TRIM45: variants seen among roughly 807,000 people sequenced by gnomAD.
TRIM45 encodes the protein E3 ubiquitin-protein ligase TRIM45.
TRIM45 carries 45 observed loss-of-function variants against 46.7 expected under a neutral mutation model. The ratio of observed to expected loss-of-function variants is 0.96; its 90% CI spans 0.76 to 1.24. The LOEUF (loss-of-function observed/expected upper bound fraction) is 1.24, where lower values mean the gene tolerates loss of function less well. TRIM45 is among the 50% of genes most tolerant of loss of function. The pLI is 0.00. For missense variants in TRIM45, 680 were observed against 728.4 expected (o/e 0.93, Z 0.77); for synonymous variants, 259 against 285.8 (o/e 0.91, Z 0.94).
upstream of TRIM45, among the ~76,000 whole-genome samples, chr1:117,123,030 C>A (rs1377905669): frequency 3.2e-5 from 3 of 93,824 alleles, no homozygotes; most frequent in Non-Finnish European, 6.8e-5. Flanking sequence ...AAAAAGTTAA[C>A]CCCAAAATAT....
intron 1 of TRIM45, 54 bp downstream of exon 1, chr1:117,120,660 C>T: frequency 6.5e-7 from 1 of 1,530,612 alleles, no homozygotes; most frequent in Non-Finnish European, 8.8e-7. Flanking sequence ...TTTGTCTTGA[C>T]ACCTCTTTGT....
rs533338074 is a variant in TRIM45 at position 117,116,765 on chromosome 1, G to T, written c.1223-20C>A. ...GGAGGTCTGAAAAAGATAAACACTCGGTCCTCACCTCGAATGTAAACTGCA... is the reference window on the plus strand; with the variant it reads ...GGAGGTCTGAAAAAGATAAACACTCTGTCCTCACCTCGAATGTAAACTGCA... On this transcript the variant is annotated intron_variant, in intron 2 of 5. Coordinates refer to ENST00000256649, the MANE Select transcript of TRIM45 (RefSeq NM_025188.4). This position sits in a 1 kb window ranked among gnomAD's most constrained non-coding sequence, Gnocchi z 4.6. The T allele has an allele frequency of 9.3e-6, 15 of 1,613,526 alleles. No individual in the cohort carries two copies. The highest frequency in any genetic ancestry group is 1.7e-6 in the Non-Finnish European group (2 of 1,179,760).
At position 117,118,327 on chromosome 1, in the gene TRIM45, AG is replaced by A; in HGVS notation, c.928del (p.Leu310CysfsTer26). The A allele has an allele frequency of 1.2e-6, 2 of 1,614,088 alleles. No homozygotes were observed. The highest frequency in any genetic ancestry group is 1.7e-5 in the Admixed American group (1 of 60,024). ...TTCCAGCTGGGCCTTCTGCAGCTGC[AG>A]GGAATTTTCCTTCTGGGCCCGTATG... ...EDIRAQKENS[L>X]QLQKAQLEQL... On this transcript the variant is annotated frameshift_variant, in exon 2 of 6. Transcript: ENST00000256649. LOFTEE classifies it high-confidence loss of function. The surrounding 1 kb of genome is among the most constrained non-coding windows in gnomAD (Gnocchi z 5.7).
In TRIM45 at chr1:117,113,491, G is replaced by A. The variant is rs1342925696; in HGVS notation, c.1468-6C>T. The A allele has an allele frequency of 1.2e-6, 2 of 1,612,548 alleles. No homozygotes were observed. The highest frequency in any genetic ancestry group is 1.7e-6 in the Non-Finnish European group (2 of 1,179,832). ...ATCACAGTGAATGGCGAGCCCTGCA[G>A]TGTTCAGACCAAAAGCAATGAACAG... On this transcript the variant is annotated splice_polypyrimidine_tract_variant and splice_region_variant and intron_variant, in intron 4 of 5. Coordinates refer to ENST00000256649, the MANE Select transcript of TRIM45 (RefSeq NM_025188.4). The surrounding 1 kb of genome is among the most constrained non-coding windows in gnomAD (Gnocchi z 4.0).
In TRIM45 at chr1:117,121,315, G is replaced by A; in HGVS notation, c.-114C>T. 1 of 1,289,880 alleles carries A rather than the reference G, an allele frequency of 7.8e-7. No homozygotes were observed. The highest frequency in any genetic ancestry group is 1.1e-6 in the Non-Finnish European group (1 of 948,646). The allele number at this position is 1,289,880 out of a possible 1,614,324, so 79.9% of individuals were successfully genotyped here. A position where few individuals can be genotyped will look rare whatever the true frequency, so the allele number is the denominator to read the frequency against. ...TCTCCAGAACTTGAACAGAGACCAT[G>A]GGGACTCCCTCGCTGACAAATAAAA... On this transcript the variant is annotated 5_prime_UTR_variant, in exon 1 of 6. Transcript: ENST00000256649. This position sits in a 1 kb window ranked among gnomAD's most constrained non-coding sequence, Gnocchi z 4.2.
In TRIM45 at chr1:117,118,891, A is replaced by C. The variant is rs765705244; in HGVS notation, c.489-124T>G. ...AAACCTGATTTCAATTCCTTGCTCT[A>C]ATCTCTAATTGCATGAACCTCTCTG... On this transcript the variant is annotated intron_variant, in intron 1 of 5. Transcript: ENST00000256649. This position sits in a 1 kb window ranked among gnomAD's most constrained non-coding sequence, Gnocchi z 5.7. 3.9e-6 allele frequency: 5 copies of C among 1,278,354 alleles called. No individual in the cohort carries two copies. The highest frequency in any genetic ancestry group is 5.4e-6 in the Non-Finnish European group (5 of 930,364). The allele number at this position is 1,278,354 out of a possible 1,614,324, so 79.2% of individuals were successfully genotyped here.
Position 117,112,045 on chromosome 1 carries a change from C to A in TRIM45, c.*260G>T. 3.0e-6 allele frequency: 1 copy of A among 337,148 alleles called. No individual in the cohort carries two copies. Among genetic ancestry groups the A allele is most frequent in the Non-Finnish European group, 5.3e-6 (1 of 189,506 alleles). 20.9% of individuals were successfully genotyped at this position (337,148 alleles called of 1,614,324 possible). A position where few individuals can be genotyped will look rare whatever the true frequency, so the allele number is the denominator to read the frequency against. Reference sequence around the variant, plus strand: ...ATGGAATAGATACCTCCATACTGTACAAAATGAAAAGGAGTATCCTGTGGT... The same window carrying A: ...ATGGAATAGATACCTCCATACTGTAAAAAATGAAAAGGAGTATCCTGTGGT... On this transcript the variant is annotated 3_prime_UTR_variant, in exon 6 of 6. Transcript: ENST00000256649.
At position 117,121,175 on chromosome 1, in the gene TRIM45, C is replaced by T. The variant is rs1290206473; in HGVS notation, c.27G>A (p.Leu9=). The change falls in exon 1 of 6, where the codon CTG becomes CTA. Residue 9 remains leucine (L), a synonymous_variant. Coordinates refer to ENST00000256649, the MANE Select transcript of TRIM45 (RefSeq NM_025188.4). This position sits in a 1 kb window ranked among gnomAD's most constrained non-coding sequence, Gnocchi z 4.2. MSENRKPL[L]GFVSKLTSGT... ...CACTAGTGAGTTTGCTTACAAAGCC[C>T]AGCAGCGGTTTTCTGTTTTCTGACA... 1.9e-6 allele frequency: 3 copies of T among 1,569,022 alleles called. No individual in the cohort carries two copies. Among genetic ancestry groups the T allele is most frequent in the Admixed American group, 1.9e-5 (1 of 51,450 alleles).
chr1:117,120,400 T>C (rs1449698233), intron 1 of TRIM45, among the ~76,000 whole-genome samples: 2 of 152,248 alleles, frequency 1.3e-5, no homozygotes, highest in South Asian at 4.1e-4. Context: ...TATGCTGTTA[T>C]ATTCATTCTC....
At position 117,116,815 on chromosome 1, in the gene TRIM45, T is replaced by A; in HGVS notation, c.1223-70A>T. 1 of 1,599,042 alleles carries A rather than the reference T, an allele frequency of 6.3e-7. No individual in the cohort carries two copies. Among genetic ancestry groups the A allele is most frequent in the East Asian group, 2.3e-5 (1 of 44,416 alleles). On this transcript the variant is annotated intron_variant, in intron 2 of 5. Coordinates refer to ENST00000256649, the MANE Select transcript of TRIM45 (RefSeq NM_025188.4). The surrounding 1 kb of genome is among the most constrained non-coding windows in gnomAD (Gnocchi z 4.6). ...AGTGACTACATCTCCATCTTGCTTTTTCTCTTCAGAACAAAGGGTTGTACT... is the reference window on the plus strand; with the variant it reads ...AGTGACTACATCTCCATCTTGCTTTATCTCTTCAGAACAAAGGGTTGTACT...
chr1:117,119,868 T>C (rs1426226287), intron 1 of TRIM45, among the ~76,000 whole-genome samples: 1 of 152,204 alleles, frequency 6.6e-6, no homozygotes, highest in African/African-American at 2.4e-5. Flanking sequence ...GACTATCACA[T>C]AATTACAAGT....
upstream of TRIM45, chr1:117,121,772 C>G (rs1650649022): frequency 1.4e-6 from 1 of 704,252 alleles, no homozygotes; most frequent in Non-Finnish European, 2.6e-6. This position sits in a 1 kb window ranked among gnomAD's most constrained non-coding sequence, Gnocchi z 4.2. Context: ...CAATCCCAGC[C>G]CGGTCTACTC....
At position 117,121,549 on chromosome 1, in the gene TRIM45, AC is replaced by A. The variant is rs1557849809; in HGVS notation, c.-349del. 6 of 433,422 alleles carry A rather than the reference AC, an allele frequency of 1.4e-5. No homozygotes were observed. The highest frequency in any genetic ancestry group is 2.2e-5 in the African/African-American group (1 of 45,632). The allele number at this position is 433,422 out of a possible 1,614,324, so 26.8% of individuals were successfully genotyped here. A position where few individuals can be genotyped will look rare whatever the true frequency, so the allele number is the denominator to read the frequency against. ...TGCACCTCTCGCTCCCTCCACTGCC[AC>A]CCCCCTCCCGCCGCCCGCCCCACTG... On this transcript the variant is annotated 5_prime_UTR_variant, in exon 1 of 6. Coordinates refer to ENST00000256649, the MANE Select transcript of TRIM45 (RefSeq NM_025188.4). This position sits in a 1 kb window ranked among gnomAD's most constrained non-coding sequence, Gnocchi z 4.2.
rs2101359655 is a variant in TRIM45, at chr1:117,121,138, C to T, written c.64G>A (p.Gly22Arg). ...GGGCAGTGAGTCTTGCCTGAGTTCC[C>T]AAGTGCAGTCCCACTAGTGAGTTTG... ...VSKLTSGTAL[G>R]NSGKTHCPLC... Residue 22 changes from glycine to arginine, a missense_variant, in exon 1 of 6, where the codon GGG (glycine) becomes AGG (arginine). This residue lies in a region of TRIM45 where 349 missense variants were observed against 343.6 expected (regional missense o/e 1.02). Transcript: ENST00000256649. The surrounding 1 kb of genome is among the most constrained non-coding windows in gnomAD (Gnocchi z 4.2). 2 of 1,609,142 alleles carry T rather than the reference C, an allele frequency of 1.2e-6. No homozygotes were observed. Among genetic ancestry groups the T allele is most frequent in the Non-Finnish European group, 1.7e-6 (2 of 1,177,564 alleles).
rs1439397903 is a variant in TRIM45 at position 117,116,038 on chromosome 1, G to C, written c.1353-349C>G. Among the ~76,000 whole-genome samples the C allele has an allele frequency of 6.6e-6, 1 of 152,120 alleles. No individual in the cohort carries two copies. Among genetic ancestry groups the C allele is most frequent in the African/African-American group, 2.4e-5 (1 of 41,402 alleles). On this transcript the variant is annotated intron_variant, in intron 3 of 5. Transcript: ENST00000256649. The surrounding 1 kb of genome is among the most constrained non-coding windows in gnomAD (Gnocchi z 4.6). Reference sequence around the variant, plus strand: ...TAGTACCAAAGGGAGACTGAATTTTGAAAAGGGTACCATTCAGTCTAACAC... The same window carrying C: ...TAGTACCAAAGGGAGACTGAATTTTCAAAAGGGTACCATTCAGTCTAACAC...
At position 117,116,977 on chromosome 1, in the gene TRIM45, ACC is replaced by A. The variant is rs1257848411; in HGVS notation, c.1223-234_1223-233del. On this transcript the variant is annotated intron_variant, in intron 2 of 5. Coordinates refer to ENST00000256649, the MANE Select transcript of TRIM45 (RefSeq NM_025188.4). The surrounding 1 kb of genome is among the most constrained non-coding windows in gnomAD (Gnocchi z 4.6). ...TGGATCACACAGGATCCTGGACCTT[ACC>A]TTCAGTCCTAGGACTGAAGGTCCTA... 5.9e-5 allele frequency among the ~76,000 whole-genome samples: 9 copies of A among 151,586 alleles called. No individual in the cohort carries two copies. The highest frequency in any genetic ancestry group is 1.3e-4 in the Non-Finnish European group (9 of 67,904).
Position 117,120,713 on chromosome 1 carries a change from C to T in TRIM45, c.488+1G>A. On this transcript the variant is annotated splice_donor_variant, in intron 1 of 5. Coordinates refer to ENST00000256649, the MANE Select transcript of TRIM45 (RefSeq NM_025188.4). LOFTEE classifies it high-confidence loss of function. ...CACCTGATGGAGTGTCCCATCTTTA[C>T]CTATGAGCCTGGCAGCAGAAGTGGC... The T allele has an allele frequency of 6.2e-7, 1 of 1,600,010 alleles. No homozygotes were observed. Among genetic ancestry groups the T allele is most frequent in the South Asian group, 1.1e-5 (1 of 88,378 alleles).
In TRIM45 at chr1:117,115,563, C is replaced by T; in HGVS notation, c.1467+12G>A. On this transcript the variant is annotated intron_variant, in intron 4 of 5. Coordinates refer to ENST00000256649, the MANE Select transcript of TRIM45 (RefSeq NM_025188.4). The surrounding 1 kb of genome is among the most constrained non-coding windows in gnomAD (Gnocchi z 4.2). ...TCCAGGGAGCTCAGGGAAGCACGTG[C>T]ACCAGTCTTACCTGCACATGCTGTT... The T allele has an allele frequency of 1.3e-6, 2 of 1,599,572 alleles. No individual in the cohort carries two copies. The highest frequency in any genetic ancestry group is 1.7e-6 in the Non-Finnish European group (2 of 1,166,774).
Position 117,115,810 on chromosome 1 carries a change from G to A in TRIM45, c.1353-121C>T. ...TATTAATGTTAAATATACCCAAACA[G>A]GATGCTTCTTCCATTTGCTTCAGAA... is the stretch of plus-strand genomic sequence containing the variant. On this transcript the variant is annotated intron_variant, in intron 3 of 5. Coordinates refer to ENST00000256649, the MANE Select transcript of TRIM45 (RefSeq NM_025188.4). This position sits in a 1 kb window ranked among gnomAD's most constrained non-coding sequence, Gnocchi z 4.2. 1.6e-6 allele frequency: 1 copy of A among 636,148 alleles called. No individual in the cohort carries two copies. The highest frequency in any genetic ancestry group is 2.0e-5 in the South Asian group (1 of 49,026). 39.4% of individuals were successfully genotyped at this position (636,148 alleles called of 1,614,324 possible).
Sources: allele counts gnomAD v4.1 joint callset (sites outside exome capture counted in the v4.1 genomes callset), GRCh38; gene constraint gnomAD v4.1.1; regional missense constraint gnomAD v4.1.1; non-coding constraint Gnocchi (gnomAD v3.1); transcripts MANE v1.5; gene names NCBI Gene and HGNC (gene_info 2026-07-23, HGNC 2026-07-21).